Variants in CSMD1 observed in about 807,000 individuals in gnomAD.
CSMD1 encodes CUB and sushi domain-containing protein 1.
CSMD1 carries 213 observed loss-of-function variants against 417.5 expected under a neutral mutation model. The observed-to-expected ratio is 0.51, with a 90% confidence interval of 0.46 to 0.57. The LOEUF (loss-of-function observed/expected upper bound fraction) is 0.57. CSMD1 is among the 20% of genes least tolerant of loss of function. The pLI is 0.00. For missense variants in CSMD1, 6,923 were observed against 4,529.7 expected (o/e 1.53, Z -15.17); for synonymous variants, 2,862 against 1,736.8 (o/e 1.65, Z -16.11).
intron 4 of CSMD1, among the ~76,000 whole-genome samples, chr8:4,029,216 C>G (rs375841862): frequency 6.6e-6 from 1 of 152,122 alleles, no homozygotes; most frequent in East Asian, 1.9e-4. Context: ...TGAAAATAGG[C>G]AGAAATCCAT....
chr8:3,317,185 ATCT>A (rs1301713983), intron 23 of CSMD1, among the ~76,000 whole-genome samples: 1 of 151,946 alleles, frequency 6.6e-6, no homozygotes, highest in Non-Finnish European at 1.5e-5. Context: ...AATGATTCTG[ATCT>A]TCTCATAGCA....
intron 1 of CSMD1, among the ~76,000 whole-genome samples, chr8:4,739,304 T>C (rs1810449229): frequency 6.6e-6 from 1 of 152,212 alleles, no homozygotes; most frequent in South Asian, 2.1e-4. Flanking sequence ...TAACAGAGCA[T>C]AGCCATAGTT....
chr8:4,907,552 T>C (rs1409394831), intron 1 of CSMD1, among the ~76,000 whole-genome samples: 1 of 151,884 alleles, frequency 6.6e-6, no homozygotes, highest in Non-Finnish European at 1.5e-5. Context: ...TTGTGTTTCT[T>C]TTTGTTGTTG....
chr8:4,676,451 TCATTC>T (rs1243539817), intron 1 of CSMD1, among the ~76,000 whole-genome samples: 1 of 152,150 alleles, frequency 6.6e-6, no homozygotes, highest in African/African-American at 2.4e-5. Flanking sequence ...GAGTATGTCT[TCATTC>T]CTATCTTCAA....
chr8:4,377,843 A>T (rs11781489), intron 3 of CSMD1, among the ~76,000 whole-genome samples: 36,590 of 152,162 alleles, frequency 0.24, 4,570 homozygotes, highest in Middle Eastern at 0.35. Flanking sequence ...TGCCCCAATT[A>T]GTATACTTCT....
chr8:4,221,345 G>C (rs770536811), intron 3 of CSMD1, among the ~76,000 whole-genome samples: 38 of 147,632 alleles, frequency 2.6e-4, no homozygotes, highest in Non-Finnish European at 4.9e-4. Context: ...TGTTTCAAAG[G>C]CACAAAGAAG....
intron 50 of CSMD1, among the ~76,000 whole-genome samples, chr8:3,037,362 A>T (rs56259737): frequency 7.2e-6 from 1 of 138,652 alleles, no homozygotes; most frequent in South Asian, 2.2e-4. Context: ...CCCGCCACCA[A>T]GCCCAGCTAA....
chr8:3,501,091 T>A (rs1434040806), intron 10 of CSMD1, among the ~76,000 whole-genome samples: 2 of 152,180 alleles, frequency 1.3e-5, no homozygotes, highest in East Asian at 1.9e-4. Flanking sequence ...AAATAAAATA[T>A]ACTATATAGT....
At chr8:3,723,108 G>A (rs911867449) in intron 6 of CSMD1, among the ~76,000 whole-genome samples, 2 of 152,130 alleles carry the variant, frequency 1.3e-5, no homozygotes, top group Non-Finnish European at 2.9e-5. Context: ...ATTCAGTCAG[G>A]TTATTGGTGA....
rs530804170 is a variant in CSMD1, at chr8:3,537,116, G to T, written c.1344+37829C>A. ...CCTCCTGGGTTCCAGCAATTCCCCT[G>T]CCTCAGCCTCCCAAGTAGCTGGGAC... On this transcript the variant is annotated intron_variant, in intron 10 of 69. Coordinates refer to ENST00000635120, the MANE Select transcript of CSMD1 (RefSeq NM_033225.6). 5.3e-5 allele frequency among the ~76,000 whole-genome samples: 8 copies of T among 152,072 alleles called. No individual in the cohort carries two copies. In the East Asian group the frequency reaches 1.5e-3, roughly 29 times the overall value.
At chr8:3,645,736 T>C (rs77102578) in intron 7 of CSMD1, among the ~76,000 whole-genome samples, 1,670 of 152,274 alleles carry the variant, frequency 0.011, 31 homozygotes, top group African/African-American at 0.038. Context: ...GCTGCTGGCA[T>C]CTGGAGGCAA....
intron 7 of CSMD1, among the ~76,000 whole-genome samples, chr8:3,626,318 G>T (rs1796491237): frequency 6.6e-6 from 1 of 152,066 alleles, no homozygotes; most frequent in Non-Finnish European, 1.5e-5. Context: ...TAGTTTTGGG[G>T]GCTCACTCAA....
chr8:3,125,672 C>T (rs997271608), intron 41 of CSMD1, among the ~76,000 whole-genome samples: 1 of 152,162 alleles, frequency 6.6e-6, no homozygotes, highest in African/African-American at 2.4e-5. Flanking sequence ...GTTGTATTAT[C>T]TGTCATTAAA....
chr8:3,752,807 G>A (rs1036534181), intron 6 of CSMD1, among the ~76,000 whole-genome samples: 1 of 151,638 alleles, frequency 6.6e-6, no homozygotes, highest in South Asian at 2.1e-4. Context: ...TGCTGGTTCC[G>A]ATGTGTACTT....
chr8:3,242,846 G>C (rs1000757857), intron 26 of CSMD1, among the ~76,000 whole-genome samples: 4 of 151,776 alleles, frequency 2.6e-5, no homozygotes, highest in Admixed American at 6.6e-5. Context: ...TAAGAGGTCA[G>C]GGCGCAGAAA....
intron 7 of CSMD1, among the ~76,000 whole-genome samples, chr8:3,657,943 T>A (rs2469384): frequency 0.91 from 139,058 of 152,074 alleles, 63,735 homozygotes; most frequent in African/African-American, 0.97. Context: ...GGGAGGGACC[T>A]TACATCATTG....
At chr8:4,008,600 CTTTTTTTTTTTT>C (rs1161117794) in intron 4 of CSMD1, among the ~76,000 whole-genome samples, 9 of 80,452 alleles carry the variant, frequency 1.1e-4, no homozygotes, top group East Asian at 8.1e-4. Flanking sequence ...TTCTTTTTTT[CTTTTTTTTTTTT>C]TTTTTTTTTT....
intron 1 of CSMD1, among the ~76,000 whole-genome samples, chr8:4,715,200 A>T (rs1808576482): frequency 6.6e-6 from 1 of 152,232 alleles, no homozygotes; most frequent in Non-Finnish European, 1.5e-5. Context: ...AAAACGAAGA[A>T]ATATGAAGAA....
At chr8:4,288,145 C>T (rs982496739) in intron 3 of CSMD1, among the ~76,000 whole-genome samples, 1 of 152,058 alleles carries the variant, frequency 6.6e-6, no homozygotes, top group Non-Finnish European at 1.5e-5. Flanking sequence ...TAAAGTTTGA[C>T]TGAGAAAAGA....
Sources: allele counts gnomAD v4.1 joint callset (sites outside exome capture counted in the v4.1 genomes callset), GRCh38; gene constraint gnomAD v4.1.1; transcripts MANE v1.5; gene names NCBI Gene and HGNC (gene_info 2026-07-23, HGNC 2026-07-21).